KDM4C: variants seen among roughly 807,000 people sequenced by gnomAD.
KDM4C encodes lysine demethylase 4C.
KDM4C carries 81 observed loss-of-function variants against 129.3 expected under a neutral mutation model. The ratio of observed to expected loss-of-function variants is 0.63; its 90% CI spans 0.52 to 0.75. The LOEUF is 0.75. KDM4C is among the 30% of genes least tolerant of loss of function. The pLI is 0.00. For missense variants in KDM4C, 1,457 were observed against 1,304.0 expected, an observed-to-expected ratio of 1.12 and a Z score of -1.81; for synonymous variants, 573 against 456.1, an observed-to-expected ratio of 1.26 and a Z score of -3.26.
intron 8 of KDM4C, among the ~76,000 whole-genome samples, chr9:6,895,097 A>G (rs1846653624): frequency 6.6e-6 from 1 of 152,116 alleles, no homozygotes; most frequent in Non-Finnish European, 1.5e-5. Context: ...TGTTATGGCC[A>G]CCCCTTACTT....
chr9:7,111,517 A>G lies in KDM4C; in HGVS notation c.2610+7647A>G, dbSNP rs527321623. 2.0e-5 allele frequency among the ~76,000 whole-genome samples: 3 copies of G among 152,282 alleles called. No individual in the cohort carries two copies. The South Asian group carries it at 6.2e-4, about 32-fold the overall frequency. Reference sequence around the variant, plus strand: ...GGAAACAGAGTGAGTTTACGTTTATATAACTTGCTGTAAGTTATACAGGTA... The same window carrying G: ...GGAAACAGAGTGAGTTTACGTTTATGTAACTTGCTGTAAGTTATACAGGTA... On this transcript the variant is annotated intron_variant, in intron 18 of 21. Transcript: ENST00000381309.
At chr9:7,095,999 T>A (rs1245612185) in intron 17 of KDM4C, among the ~76,000 whole-genome samples, 1 of 152,180 alleles carries the variant, frequency 6.6e-6, no homozygotes, top group African/African-American at 2.4e-5. Context: ...AACACCTATT[T>A]TGTGGTTTAG....
chr9:7,150,869 G>T (rs1842666781), intron 19 of KDM4C, among the ~76,000 whole-genome samples: 1 of 152,136 alleles, frequency 6.6e-6, no homozygotes, highest in Non-Finnish European at 1.5e-5. Flanking sequence ...ATATCATAAA[G>T]ATGTGGCTGC....
chr9:6,888,269 C>G (rs184731972), intron 7 of KDM4C, among the ~76,000 whole-genome samples: 3 of 152,186 alleles, frequency 2.0e-5, no homozygotes, highest in Admixed American at 2.0e-4. Flanking sequence ...TTTCATGTTG[C>G]TATAGTTCAC....
intron 1 of KDM4C, among the ~76,000 whole-genome samples, chr9:6,760,584 T>TTATC (rs1819253848): frequency 1.3e-5 from 2 of 149,192 alleles, no homozygotes; most frequent in African/African-American, 4.9e-5. Flanking sequence ...ATTTATTTAT[T>TTATC]TTTTGAGACG....
intron 19 of KDM4C, among the ~76,000 whole-genome samples, chr9:7,146,612 G>C (rs1433769224): frequency 6.6e-6 from 1 of 152,136 alleles, no homozygotes; most frequent in African/African-American, 2.4e-5. Flanking sequence ...CAATGAAGCA[G>C]TTTCTATGAA....
chr9:6,933,369 T>G (rs1046420338), intron 8 of KDM4C, among the ~76,000 whole-genome samples: 7 of 152,214 alleles, frequency 4.6e-5, no homozygotes, highest in African/African-American at 1.7e-4. Context: ...ATTTTAGCTA[T>G]CTACTACATG....
At chr9:7,002,517 G>A (rs117248613) in intron 12 of KDM4C, among the ~76,000 whole-genome samples, 333 of 152,194 alleles carry the variant, frequency 2.2e-3, no homozygotes, top group Non-Finnish European at 4.1e-3. Context: ...CAGATCATGT[G>A]GCTCTTTCTC....
intron 15 of KDM4C, among the ~76,000 whole-genome samples, chr9:7,018,146 A>G (rs987500490): frequency 1.3e-5 from 2 of 152,192 alleles, no homozygotes; most frequent in Non-Finnish European, 2.9e-5. Context: ...ACTGACACAA[A>G]CCTGGATGGT....
chr9:6,804,120 G>C lies in KDM4C; in HGVS notation c.145-1479G>C, dbSNP rs996441383. ...TTACAGGTGTGAGCCACTACGGCTG[G>C]CTGTTACCTTCTACTTTTAAATCCT... On this transcript the variant is annotated intron_variant, in intron 2 of 21. Coordinates refer to ENST00000381309, the MANE Select transcript of KDM4C (RefSeq NM_015061.6). 2.0e-5 allele frequency among the ~76,000 whole-genome samples: 3 copies of C among 152,200 alleles called. No individual in the cohort carries two copies. In the East Asian group the frequency reaches 5.8e-4, roughly 29 times the overall value.
chr9:6,728,676 C>T (rs1202503461), intron 1 of KDM4C, among the ~76,000 whole-genome samples: 1 of 151,432 alleles, frequency 6.6e-6, no homozygotes, highest in African/African-American at 2.4e-5. Context: ...GAAACCCCAT[C>T]TCTACTAAAA....
intron 17 of KDM4C, among the ~76,000 whole-genome samples, chr9:7,086,667 C>A (rs1192463692): frequency 6.6e-6 from 1 of 152,216 alleles, no homozygotes. Context: ...CCTCAGATAA[C>A]TGCTACGGGG....
intron 15 of KDM4C, among the ~76,000 whole-genome samples, chr9:7,026,256 G>C (rs1825805050): frequency 6.6e-6 from 1 of 151,704 alleles, no homozygotes; most frequent in African/African-American, 2.4e-5. Context: ...TTTATTGTAG[G>C]ATAGGTATGA....
intron 8 of KDM4C, among the ~76,000 whole-genome samples, chr9:6,927,626 G>C (rs77783075): frequency 0.066 from 10,040 of 152,170 alleles, 895 homozygotes; most frequent in African/African-American, 0.2. Context: ...GAGGCTTCCA[G>C]GGACCACACG....
intron 17 of KDM4C, among the ~76,000 whole-genome samples, chr9:7,056,488 G>T (rs1433478773): frequency 6.6e-6 from 1 of 152,122 alleles, no homozygotes; most frequent in African/African-American, 2.4e-5. Flanking sequence ...GAGTAAAATG[G>T]AAAATGTCAG....
intron 8 of KDM4C, among the ~76,000 whole-genome samples, chr9:6,904,040 G>A (rs1817862934): frequency 6.6e-6 from 1 of 152,118 alleles, no homozygotes; most frequent in Non-Finnish European, 1.5e-5. Flanking sequence ...AGGAGTTCAG[G>A]ACCAGCCTGG....
rs10976023 is a variant in KDM4C at position 7,069,075 on chromosome 9, A to G, written c.2424+19875A>G. On this transcript the variant is annotated intron_variant, in intron 17 of 21. Transcript: ENST00000381309. ...GAGCATTCGTAGAATCAAAATCACC[A>G]TAATAGTAGCTTTTAACATTGTTCT... 2.7e-3 allele frequency among the ~76,000 whole-genome samples: 405 copies of G among 152,214 alleles called. 10 individuals are homozygous for G. Among genetic ancestry groups the G allele is most frequent in the East Asian group, 0.025 (129 of 5,178 alleles).
At chr9:6,972,207 G>A (rs1168110437) in intron 8 of KDM4C, among the ~76,000 whole-genome samples, 1 of 151,978 alleles carries the variant, frequency 6.6e-6, no homozygotes, top group Non-Finnish European at 1.5e-5. Flanking sequence ...CATCTATTTA[G>A]GGGGGAGCCA....
chr9:6,806,966 C>T (rs1237929367), intron 3 of KDM4C, among the ~76,000 whole-genome samples: 2 of 151,840 alleles, frequency 1.3e-5, no homozygotes, highest in African/African-American at 2.4e-5. Context: ...CTGGACTGTA[C>T]TGCTGCCATC....
Sources: allele counts gnomAD v4.1 joint callset (sites outside exome capture counted in the v4.1 genomes callset), GRCh38; gene constraint gnomAD v4.1.1; transcripts MANE v1.5; gene names NCBI Gene and HGNC (gene_info 2026-07-23, HGNC 2026-07-21).